DHX57: variants seen among roughly 807,000 people sequenced by gnomAD.
The protein encoded by DHX57 is DExH-box helicase 57.
A neutral mutation model predicts 156.2 loss-of-function variants in DHX57; 105 were observed. That is an observed-to-expected ratio of 0.67 (90% CI 0.57 to 0.79). The LOEUF is 0.79. Among genes scored for constraint, DHX57 ranks in the 30% least tolerant of loss-of-function variants. The probability of loss-of-function intolerance (pLI) is 0.00; values close to 1 mark genes in which losing one functional copy is unlikely to be tolerated. For missense variants in DHX57, 1,847 were observed against 1,661.9 expected (o/e 1.11, Z -1.94); for synonymous variants, 704 against 595.6 (o/e 1.18, Z -2.65).
intron 12 of DHX57, among the ~76,000 whole-genome samples, chr2:38,839,429 C>G (rs932452146): frequency 2.0e-5 from 3 of 151,210 alleles, no homozygotes; most frequent in Admixed American, 1.3e-4. Context: ...AAAGCAGTTT[C>G]GGCTGGGCGC....
chr2:38,840,574 AAAAC>A (rs35362737), intron 12 of DHX57, among the ~76,000 whole-genome samples: 3 of 150,386 alleles, frequency 2.0e-5, no homozygotes, highest in Admixed American at 6.6e-5. Flanking sequence ...TGTTTTTTTT[AAAAC>A]AAACAAACAA....
intron 5 of DHX57, 143 bp from the exon 6 acceptor site, chr2:38,858,979 C>G: frequency 1.3e-6 from 1 of 783,550 alleles, no homozygotes; most frequent in South Asian, 2.1e-5. Context: ...TCATTCATTT[C>G]TAGTATTTCT....
intron 14 of DHX57, among the ~76,000 whole-genome samples, chr2:38,827,158 T>TAAAAG (rs1671127578): frequency 1.3e-5 from 2 of 151,378 alleles, no homozygotes; most frequent in African/African-American, 4.9e-5. Context: ...TAAAATAAAA[T>TAAAAG]AAAAGGTAAA....
At chr2:38,853,116 T>C (rs1672693860) in intron 9 of DHX57, 1 of 157,448 alleles carries the variant, frequency 6.4e-6, no homozygotes, top group Admixed American at 6.6e-5. Flanking sequence ...AGTGCAGTGG[T>C]GCTATCACAG....
intron 13 of DHX57, among the ~76,000 whole-genome samples, chr2:38,831,235 T>C (rs966303099): frequency 6.6e-6 from 1 of 152,002 alleles, no homozygotes; most frequent in African/African-American, 2.4e-5. Context: ...ATATCTTTAA[T>C]GTTCACAGAT....
chr2:38,826,821 G>T, intron 14 of DHX57, 132 bp from the exon 15 acceptor site: 1 of 971,292 alleles, frequency 1.0e-6, no homozygotes. Context: ...TGTCCTCAGA[G>T]CTCAGCTCTT....
At chr2:38,812,719 G>C (rs1039744807) in intron 21 of DHX57, among the ~76,000 whole-genome samples, 1 of 148,340 alleles carries the variant, frequency 6.7e-6, no homozygotes, top group African/African-American at 2.5e-5. Context: ...TTTTAGTAGA[G>C]ATGGGGTTTC....
chr2:38,803,108 T>C, intron 22 of DHX57, 193 bp from the exon 23 acceptor site: 1 of 589,522 alleles, frequency 1.7e-6, no homozygotes, highest in African/African-American at 1.9e-5. Flanking sequence ...TTAATACATA[T>C]CTCACACTTG....
chr2:38,858,183 T>TC (rs1416447636), intron 6 of DHX57, among the ~76,000 whole-genome samples: 2 of 152,198 alleles, frequency 1.3e-5, no homozygotes, highest in Non-Finnish European at 2.9e-5. Flanking sequence ...TGCCTCAGCC[T>TC]CCCAAGTGGC....
intron 5 of DHX57, among the ~76,000 whole-genome samples, chr2:38,860,597 G>T (rs1163632421): frequency 6.6e-6 from 1 of 152,158 alleles, no homozygotes; most frequent in Non-Finnish European, 1.5e-5. Flanking sequence ...GGAGGGTATG[G>T]ATAGTGGTAT....
At chr2:38,860,864 C>G (rs1251941551) in intron 5 of DHX57, 135 bp downstream of exon 5, 1 of 736,038 alleles carries the variant, frequency 1.4e-6, no homozygotes, top group Admixed American at 2.4e-5. Flanking sequence ...TTCTCATTCC[C>G]TTTTGCCCTT....
chr2:38,802,018 G>A (rs1669708644), intron 23 of DHX57, among the ~76,000 whole-genome samples: 1 of 152,192 alleles, frequency 6.6e-6, no homozygotes, highest in Non-Finnish European at 1.5e-5. Context: ...TTCTCAAAAT[G>A]GTAGTGGTGG....
At chr2:38,830,977 T>G (rs559596596) in intron 13 of DHX57, among the ~76,000 whole-genome samples, 164 of 152,030 alleles carry the variant, frequency 1.1e-3, no homozygotes, top group African/African-American at 3.8e-3. Flanking sequence ...AGGGAGGTTG[T>G]AGGATTGCTT....
intron 11 of DHX57, among the ~76,000 whole-genome samples, chr2:38,844,187 A>T (rs1420842947): frequency 1.3e-5 from 2 of 152,208 alleles, no homozygotes; most frequent in African/African-American, 4.8e-5. Flanking sequence ...ACAAGGGACT[A>T]TGGTGACGGT....
Position 38,842,729 on chromosome 2 carries a change from C to T in DHX57, c.2425+276G>A, listed in dbSNP as rs561976313. ...CATCAAAATAAAAAGCTACAAAATGCACAAGAATATAACTTATATTTTACT... is the reference window on the plus strand; with the variant it reads ...CATCAAAATAAAAAGCTACAAAATGTACAAGAATATAACTTATATTTTACT... On this transcript the variant is annotated intron_variant, in intron 12 of 23. Transcript: ENST00000457308. Among the ~76,000 whole-genome samples, 12 of 152,154 alleles carry T rather than the reference C, an allele frequency of 7.9e-5. No individual in the cohort carries two copies. The East Asian group carries it at 1.9e-3, about 24-fold the overall frequency.
chr2:38,861,701 T>A lies in DHX57; in HGVS notation c.709A>T (p.Asn237Tyr), dbSNP rs772127644. Residue 237 changes from asparagine to tyrosine, a missense_variant, in exon 5 of 24, where the codon AAC becomes TAC. By Grantham distance (143) the Asn-to-Tyr change is moderately radical. Transcript: ENST00000457308. ...ATACACTCATCCAAGCTTATCTGGT[T>A]GACTGCCTCAGAGATCTTCATCCTC... is the stretch of plus-strand genomic sequence containing the variant. ...GERMKISEAV[N>Y]QISLDECMEQ... 6.2e-7 allele frequency: 1 copy of A among 1,614,190 alleles called. No homozygotes were observed. The highest frequency in any genetic ancestry group is 1.7e-5 in the Admixed American group (1 of 60,024).
intron 17 of DHX57, 73 bp downstream of exon 17, chr2:38,822,919 AT>A (rs34582261): frequency 0.98 from 1,460,824 of 1,484,230 alleles, 721,961 homozygotes; most frequent in East Asian, 1. Context: ...CATGCCCTTG[AT>A]TTCCCCCATG....
At chr2:38,858,544 T>C in intron 6 of DHX57, 117 bp downstream of exon 6, 1 of 1,375,690 alleles carries the variant, frequency 7.3e-7, no homozygotes, top group Non-Finnish European at 9.8e-7. Context: ...CTTTGACCAC[T>C]CAGGGAGAAA....
At chr2:38,801,649 C>T (rs1348321659) in intron 23 of DHX57, among the ~76,000 whole-genome samples, 45 of 151,798 alleles carry the variant, frequency 3.0e-4, no homozygotes, top group Admixed American at 3.0e-3. Flanking sequence ...GGCTGGAGTG[C>T]AATGGCGCAA....
Sources: allele counts gnomAD v4.1 joint callset (sites outside exome capture counted in the v4.1 genomes callset), GRCh38; gene constraint gnomAD v4.1.1; transcripts MANE v1.5; gene names NCBI Gene and HGNC (gene_info 2026-07-23, HGNC 2026-07-21).